The following VPS13B variants were observed in gnomAD, a reference collection of about 807,000 sequenced individuals.
VPS13B encodes the protein vacuolar protein sorting 13 homolog B, also known as intermembrane lipid transfer protein VPS13B.
In VPS13B, 285 loss-of-function variants were observed where a neutral mutation model predicts 426.4. The observed-to-expected ratio is 0.67, with a 90% CI of 0.61 to 0.74. VPS13B has a LOEUF of 0.74. Among genes scored for constraint, VPS13B ranks in the 30% least tolerant of loss-of-function variants. VPS13B has a pLI of 0.00. For missense variants in VPS13B, 4,537 were observed against 4,782.6 expected (o/e 0.95, Z 1.51); for synonymous variants, 1,676 against 1,676.4 (o/e 1.00, Z 0.01).
At chr8:99,240,553 A>G (rs1329105431) in intron 17 of VPS13B, among the ~76,000 whole-genome samples, 2 of 152,210 alleles carry the variant, frequency 1.3e-5, no homozygotes, top group Non-Finnish European at 2.9e-5. Flanking sequence ...TTTTAAGTAT[A>G]TGTACTCATT....
chr8:99,623,842 T>G (rs1241938136), intron 33 of VPS13B, among the ~76,000 whole-genome samples: 1 of 151,982 alleles, frequency 6.6e-6, no homozygotes, highest in East Asian at 1.9e-4. Flanking sequence ...CCTCAGCTTT[T>G]TGAAAATCAG....
At chr8:99,248,338 C>T (rs964520864) in intron 17 of VPS13B, among the ~76,000 whole-genome samples, 6 of 151,962 alleles carry the variant, frequency 3.9e-5, no homozygotes, top group Non-Finnish European at 8.8e-5. Flanking sequence ...TCAATGTATA[C>T]ATATATAGAA....
chr8:99,472,410 T>C (rs1234534586), intron 24 of VPS13B, among the ~76,000 whole-genome samples: 1 of 151,798 alleles, frequency 6.6e-6, no homozygotes, highest in Admixed American at 6.6e-5. Flanking sequence ...ATAAAATAGC[T>C]AGAAAAACTT....
At chr8:99,021,149 C>T (rs1207456067) in intron 2 of VPS13B, among the ~76,000 whole-genome samples, 1 of 152,170 alleles carries the variant, frequency 6.6e-6, no homozygotes, top group East Asian at 1.9e-4. Context: ...TTGTCTATGG[C>T]TGCTTTCGCC....
intron 24 of VPS13B, among the ~76,000 whole-genome samples, chr8:99,476,891 A>G (rs1301871624): frequency 6.6e-6 from 1 of 152,150 alleles, no homozygotes; most frequent in Non-Finnish European, 1.5e-5. Context: ...TTGGCCATTG[A>G]GTTTGCTCAT....
At chr8:99,303,237 G>A (rs190892404) in intron 19 of VPS13B, among the ~76,000 whole-genome samples, 9 of 114,468 alleles carry the variant, frequency 7.9e-5, no homozygotes, top group East Asian at 2.6e-4. Context: ...CCAAGATTGC[G>A]CCACTGCACT....
chr8:99,650,075 G>C (rs541168071), intron 34 of VPS13B, among the ~76,000 whole-genome samples: 15 of 152,254 alleles, frequency 9.9e-5, no homozygotes, highest in African/African-American at 3.1e-4. Context: ...GCTGGCACCA[G>C]AAATCCTGCC....
chr8:99,780,846 G>A (rs965000149), intron 42 of VPS13B, among the ~76,000 whole-genome samples: 7 of 152,144 alleles, frequency 4.6e-5, no homozygotes, highest in Non-Finnish European at 7.4e-5. Flanking sequence ...ATTGAAATGG[G>A]CTTACAAAGG....
At chr8:99,394,189 T>C (rs1218119907) in intron 21 of VPS13B, among the ~76,000 whole-genome samples, 1 of 152,208 alleles carries the variant, frequency 6.6e-6, no homozygotes, top group African/African-American at 2.4e-5. Flanking sequence ...GAAATGTTAA[T>C]GTTCATTTTA....
At chr8:99,721,109 G>C (rs530070563) in intron 39 of VPS13B, 62 bp downstream of exon 39, 49 of 1,554,090 alleles carry the variant, frequency 3.2e-5, no homozygotes, top group Non-Finnish European at 4.3e-5. Context: ...TCATATATTA[G>C]GAAAAATGTT....
intron 39 of VPS13B, among the ~76,000 whole-genome samples, chr8:99,738,910 G>A (rs1164492791): frequency 6.6e-6 from 1 of 152,168 alleles, no homozygotes; most frequent in East Asian, 1.9e-4. Context: ...CACAGAAGAT[G>A]GGTGATTTCT....
At position 99,081,656 on chromosome 8, in the gene VPS13B, G is replaced by A. The variant is rs1037878401; in HGVS notation, c.292-14656G>A. Among the ~76,000 whole-genome samples, 12 of 141,766 alleles carry A rather than the reference G, an allele frequency of 8.5e-5. No homozygotes were observed. The South Asian group carries it at 8.8e-4, about 10-fold the overall frequency. The allele number at this position is 141,766 out of a possible 152,430, so 93.0% of individuals were successfully genotyped here. On this transcript the variant is annotated intron_variant, in intron 3 of 61. Coordinates refer to ENST00000357162, the MANE Select transcript of VPS13B (RefSeq NM_152564.5). ...GCCCCGGTGTGTGATGTTCCGCGTC[G>A]TATGTCCATGTGTTCTCATTGTTCA...
At chr8:99,196,467 GTTT>G (rs527809837) in intron 17 of VPS13B, among the ~76,000 whole-genome samples, 2 of 127,198 alleles carry the variant, frequency 1.6e-5, no homozygotes, top group Non-Finnish European at 1.7e-5. Context: ...GTCTTTAGGG[GTTT>G]TTTTTTTTTT....
Position 99,784,557 on chromosome 8 carries a change from A to C in VPS13B, c.7941+81A>C, listed in dbSNP as rs1403680982. ...TCTGCACTTGTGTGCCTGTCCAGTT[A>C]TTTCCCTTTTTAAGTCTCCGAAGGA... On this transcript the variant is annotated intron_variant, in intron 43 of 61. Transcript: ENST00000357162. 3 of 1,583,698 alleles carry C rather than the reference A, an allele frequency of 1.9e-6. No homozygotes were observed. The African/African-American group carries it at 4.0e-5, about 21-fold the overall frequency.
At chr8:99,344,539 C>T (rs1811431521) in intron 19 of VPS13B, among the ~76,000 whole-genome samples, 1 of 152,110 alleles carries the variant, frequency 6.6e-6, no homozygotes, top group Non-Finnish European at 1.5e-5. Flanking sequence ...CATTATATTT[C>T]CTTTAGAAGA....
Position 99,134,621 on chromosome 8 carries a change from A to G in VPS13B, c.1207-11A>G, listed in dbSNP as rs199984592. The stretch of plus-strand genomic sequence containing the variant: ...TAAATTTGATTTACTTAATATTCTT[A>G]TATTTCTTAGCTCACAGAAATGCAA... On this transcript the variant is annotated splice_polypyrimidine_tract_variant and intron_variant, in intron 8 of 61. Transcript: ENST00000357162. The G allele has an allele frequency of 3.0e-5, 47 of 1,577,118 alleles. No individual in the cohort carries two copies. In the African/African-American group the frequency reaches 5.0e-4, roughly 17 times the overall value.
At chr8:99,615,218 A>T (rs1415086865) in intron 33 of VPS13B, among the ~76,000 whole-genome samples, 1 of 151,692 alleles carries the variant, frequency 6.6e-6, no homozygotes, top group East Asian at 1.9e-4. Context: ...ATAATTACTC[A>T]TGTGTTATTA....
intron 19 of VPS13B, among the ~76,000 whole-genome samples, chr8:99,319,955 T>C (rs1809883720): frequency 6.6e-6 from 1 of 152,188 alleles, no homozygotes; most frequent in African/African-American, 2.4e-5. Flanking sequence ...TCATCACTAG[T>C]AGACACTTAA....
rs1817721505 is a variant in VPS13B at position 99,876,845 on chromosome 8, T to C, written c.*1179T>C. 6.6e-6 allele frequency: 1 copy of C among 152,102 alleles called. No individual in the cohort carries two copies. The highest frequency in any genetic ancestry group is 6.5e-5 in the Admixed American group (1 of 15,270). 9.4% of individuals were successfully genotyped at this position (152,102 alleles called of 1,614,324 possible). Reference sequence around the variant, plus strand: ...GATACTAAGAGAATGCAATTTTAAATGCCCACTGGTTTTATTTGTTTTGGA... The same window carrying C: ...GATACTAAGAGAATGCAATTTTAAACGCCCACTGGTTTTATTTGTTTTGGA... On this transcript the variant is annotated 3_prime_UTR_variant, in exon 62 of 62. Transcript: ENST00000357162.
Sources: gnomAD v4.1 joint callset for allele counts (sites outside exome capture counted in the v4.1 genomes callset) on GRCh38, gnomAD v4.1.1 for gene constraint, MANE v1.5 for transcripts, NCBI Gene and HGNC (gene_info 2026-07-23, HGNC 2026-07-21) for gene names.